Variants in MARK4 observed in about 807,000 individuals in gnomAD.
MARK4 encodes the protein MAP/microtubule affinity-regulating kinase 4.
MARK4 carries 19 observed loss-of-function variants against 81.5 expected under a neutral mutation model. The observed-to-expected ratio is 0.23, with a 90% CI of 0.16 to 0.34. The LOEUF (loss-of-function observed/expected upper bound fraction) is 0.34. Among genes scored for constraint, MARK4 ranks in the 10% least tolerant of loss-of-function variants. The probability of loss-of-function intolerance (pLI) is 1.00; values close to 1 mark genes in which losing one functional copy is unlikely to be tolerated. For missense variants in MARK4, 772 were observed against 1,058.8 expected, an observed-to-expected ratio of 0.73 and a Z score of 3.76; for synonymous variants, 436 against 439.0, an observed-to-expected ratio of 0.99 and a Z score of 0.08.
At chr19:45,265,272 T>C (rs938773506) in intron 6 of MARK4, among the ~76,000 whole-genome samples, 8 of 150,826 alleles carry the variant, frequency 5.3e-5, no homozygotes, top group African/African-American at 2.0e-4. Flanking sequence ...ATTCAAAAGA[T>C]GTGTGGGCAG....
rs371533048 is a variant in MARK4, at chr19:45,263,755, AAAG to A, written c.355+391_355+393del. Among the ~76,000 whole-genome samples the A allele has an allele frequency of 5.7e-4, 87 of 151,774 alleles. 1 individual carries two copies. In the East Asian group the frequency reaches 0.012, roughly 21 times the overall value. ...AGACTTCATCTCAAAAAAAAAAAAA[AAAG>A]AAAAAGTTAGAGACCTGGTTTCTCA... On this transcript the variant is annotated intron_variant, in intron 4 of 16. Transcript: ENST00000262891.
chr19:45,298,387 GGGTTCAAATGGC>G (rs1329637005), intron 15 of MARK4, among the ~76,000 whole-genome samples: 1 of 152,104 alleles, frequency 6.6e-6, no homozygotes, highest in Non-Finnish European at 1.5e-5. Flanking sequence ...CCAGACTCGG[GGGTTCAAATGGC>G]AGCTCTGCCA....
Position 45,302,759 on chromosome 19 carries a change from A to G in MARK4, c.*49A>G. ...ACTCTTCCTCTCCCTTGTCGCCTTCACTTCTACAGGAGGGGAAGGGGCCAG... is the reference window on the plus strand; with the variant it reads ...ACTCTTCCTCTCCCTTGTCGCCTTCGCTTCTACAGGAGGGGAAGGGGCCAG... On this transcript the variant is annotated 3_prime_UTR_variant, in exon 17 of 17. Transcript: ENST00000262891. The surrounding 1 kb of genome is among the most constrained non-coding windows in gnomAD (Gnocchi z 4.9). The G allele has an allele frequency of 1.3e-6, 2 of 1,532,306 alleles. No individual in the cohort carries two copies. The highest frequency in any genetic ancestry group is 2.4e-5 in the South Asian group (2 of 83,588). The allele number at this position is 1,532,306 out of a possible 1,614,324, so 94.9% of individuals were successfully genotyped here. A position where few individuals can be genotyped will look rare whatever the true frequency, so the allele number is the denominator to read the frequency against.
chr19:45,257,144 A>G (rs1182074228), intron 1 of MARK4, among the ~76,000 whole-genome samples: 1 of 151,148 alleles, frequency 6.6e-6, no homozygotes, highest in African/African-American at 2.4e-5. Flanking sequence ...AAGTTTTTCT[A>G]GAGATGGGTG....
chr19:45,253,764 T>A (rs1195369086), intron 1 of MARK4, among the ~76,000 whole-genome samples: 1 of 152,140 alleles, frequency 6.6e-6, no homozygotes, highest in Non-Finnish European at 1.5e-5. Context: ...CTGGCATGTG[T>A]CGTGGCTGTT....
In MARK4 at chr19:45,297,782, T is replaced by A; in HGVS notation, c.1705T>A (p.Phe569Ile). 6.3e-7 allele frequency: 1 copy of A among 1,578,758 alleles called. No individual in the cohort carries two copies. Among genetic ancestry groups the A allele is most frequent in the East Asian group, 2.3e-5 (1 of 44,064 alleles). The part of the protein sequence containing the change: ...LARGSTIRST[F>I]HGGQVRDRRA... ...ACGTGGTTCCACCATCCGCAGCACC[T>A]TCCATGGTGGCCAGGTCCGGGACCG... is the stretch of plus-strand genomic sequence containing the variant. Residue 569 changes from phenylalanine (F) to isoleucine (I), a missense_variant, in exon 15 of 17, where the codon TTC becomes ATC. Phe to Ile is a conservative substitution (Grantham distance 21). Around this residue, in one of 3 missense-constraint regions of MARK4, gnomAD observed 548 missense variants for 624.3 expected, o/e 0.88. Coordinates refer to ENST00000262891, the MANE Select transcript of MARK4 (RefSeq NM_001199867.2).
intron 1 of MARK4, among the ~76,000 whole-genome samples, chr19:45,255,149 G>A (rs983442053): frequency 2.0e-5 from 3 of 151,712 alleles, no homozygotes; most frequent in Non-Finnish European, 4.4e-5. Context: ...GCTCCAGTGA[G>A]CCTTGATTAC....
At position 45,287,638 on chromosome 19, in the gene MARK4, C is replaced by T. The variant is rs748925785; in HGVS notation, c.1468C>T (p.Arg490Trp). The change falls in exon 13 of 17, where the codon CGG becomes TGG. Residue 490 changes from arginine (R) to tryptophan (W), a missense_variant. Physicochemically the swap from Arg to Trp is moderately radical, Grantham distance 101. Around this residue, in one of 3 missense-constraint regions of MARK4, gnomAD observed 548 missense variants for 624.3 expected, o/e 0.88. Coordinates refer to ENST00000262891, the MANE Select transcript of MARK4 (RefSeq NM_001199867.2). ...CCCCAACAAGGCAGAGATCCCAGAG[C>T]GGCGGAAGGACAGCACGAGCACCCC... ...HNPNKAEIPE[R>W]RKDSTSTPNN... 12 of 1,596,526 alleles carry T rather than the reference C, an allele frequency of 7.5e-6. No individual in the cohort carries two copies. The highest frequency in any genetic ancestry group is 4.5e-5 in the South Asian group (4 of 89,642).
intron 10 of MARK4, chr19:45,279,997 GA>G: frequency 5.0e-6 from 1 of 200,036 alleles, no homozygotes; most frequent in Non-Finnish European, 1.0e-5. Flanking sequence ...GTGCTGTTGG[GA>G]AGGGAGGATG....
Position 45,302,164 on chromosome 19 carries a change from G to A in MARK4, c.1923-210G>A, listed in dbSNP as rs935086730. Among the ~76,000 whole-genome samples the A allele has an allele frequency of 2.0e-5, 3 of 152,236 alleles. No individual in the cohort carries two copies. Among genetic ancestry groups the A allele is most frequent in the Admixed American group, 1.3e-4 (2 of 15,276 alleles). On this transcript the variant is annotated intron_variant, in intron 16 of 16. Transcript: ENST00000262891. The surrounding 1 kb of genome is among the most constrained non-coding windows in gnomAD (Gnocchi z 4.9). ...TCATGTCCCAGAATTTACAGACAAG[G>A]TCACACCTGGTTGCAAGGGAGGCTG...
chr19:45,300,796 T>A (rs1391844965), intron 16 of MARK4, among the ~76,000 whole-genome samples: 1 of 152,112 alleles, frequency 6.6e-6, no homozygotes, highest in Non-Finnish European at 1.5e-5. Context: ...CCTAAACCAA[T>A]GCCTGCAGCC....
rs772467554 is a variant in MARK4 at position 45,297,659 on chromosome 19, T to C, written c.1599-17T>C. ...TGCCTCAGTCCCCCACCCTGACTTG[T>C]CTGTCTCTGCCCACAGCTCAGGCAC... On this transcript the variant is annotated splice_polypyrimidine_tract_variant and intron_variant, in intron 14 of 16. Coordinates refer to ENST00000262891, the MANE Select transcript of MARK4 (RefSeq NM_001199867.2). 4.0e-6 allele frequency: 6 copies of C among 1,504,256 alleles called. No individual in the cohort carries two copies. Among genetic ancestry groups the C allele is most frequent in the Non-Finnish European group, 5.3e-6 (6 of 1,129,942 alleles). The allele number at this position is 1,504,256 out of a possible 1,614,324, so 93.2% of individuals were successfully genotyped here. A position where few individuals can be genotyped will look rare whatever the true frequency, so the allele number is the denominator to read the frequency against.
chr19:45,280,366 C>G lies in MARK4; in HGVS notation c.1007-8C>G, dbSNP rs200707452. 1.9e-4 allele frequency: 313 copies of G among 1,612,014 alleles called. 2 individuals are homozygous for G. The African/African-American group carries it at 2.8e-3, about 14-fold the overall frequency. Reference sequence around the variant, plus strand: ...AGTCTGAAACTTCTCTCCATCCCCCCCTCCCAGAGGTGATGGTGGGTATGG... The same window carrying G: ...AGTCTGAAACTTCTCTCCATCCCCCGCTCCCAGAGGTGATGGTGGGTATGG... On this transcript the variant is annotated splice_polypyrimidine_tract_variant and splice_region_variant and intron_variant, in intron 10 of 16. Coordinates refer to ENST00000262891, the MANE Select transcript of MARK4 (RefSeq NM_001199867.2).
chr19:45,282,196 C>G (rs1412821163), intron 12 of MARK4, among the ~76,000 whole-genome samples: 1 of 150,434 alleles, frequency 6.6e-6, no homozygotes, highest in Admixed American at 6.7e-5. Context: ...GCACACCAGC[C>G]TGGGCAACAG....
At chr19:45,297,047 T>TAAA (rs1970896281) in intron 14 of MARK4, among the ~76,000 whole-genome samples, 2 of 74,982 alleles carry the variant, frequency 2.7e-5, no homozygotes, top group Non-Finnish European at 5.1e-5. Flanking sequence ...AGACTCTGTC[T>TAAA]CAAAAAAAAA....
rs1263131437 is a variant in MARK4, at chr19:45,302,505, G to A, written c.2054G>A (p.Arg685His). ...AALRQATAAA[R>H]CRCRQPQPFL... Reference sequence around the variant, plus strand: ...CTGCGCCAGGCCACAGCAGCCGCCCGCTGCCGCTGCCGCCAGCCACAGCCG... The same window carrying A: ...CTGCGCCAGGCCACAGCAGCCGCCCACTGCCGCTGCCGCCAGCCACAGCCG... The change falls in exon 17 of 17, where the codon CGC becomes CAC. Residue 685 changes from arginine to histidine, a missense_variant. Around this residue, in one of 3 missense-constraint regions of MARK4, gnomAD observed 548 missense variants for 624.3 expected, o/e 0.88. Coordinates refer to ENST00000262891, the MANE Select transcript of MARK4 (RefSeq NM_001199867.2). This position sits in a 1 kb window ranked among gnomAD's most constrained non-coding sequence, Gnocchi z 4.9. The A allele has an allele frequency of 1.2e-6, 2 of 1,601,814 alleles. No homozygotes were observed.
At chr19:45,301,004 C>T (rs1423171837) in intron 16 of MARK4, among the ~76,000 whole-genome samples, 2 of 152,076 alleles carry the variant, frequency 1.3e-5, no homozygotes, top group Non-Finnish European at 2.9e-5. Context: ...TCAGGCGGGA[C>T]GTTTCTTTGT....
chr19:45,285,075 C>T (rs1970724506), intron 12 of MARK4, among the ~76,000 whole-genome samples: 1 of 150,792 alleles, frequency 6.6e-6, no homozygotes, highest in Non-Finnish European at 1.5e-5. Flanking sequence ...TGGGCGGCAA[C>T]AGCAAGACTC....
At chr19:45,299,064 T>C in intron 15 of MARK4, among the ~76,000 whole-genome samples, 1 of 85,002 alleles carries the variant, frequency 1.2e-5, no homozygotes, top group South Asian at 4.5e-4. Context: ...AACCTGTCTC[T>C]AAAAAAAAAA....
Sources: gnomAD v4.1 joint callset for allele counts (sites outside exome capture counted in the v4.1 genomes callset) on GRCh38, gnomAD v4.1.1 for gene constraint, gnomAD v4.1.1 regional missense constraint, Gnocchi (gnomAD v3.1) non-coding constraint, MANE v1.5 for transcripts, NCBI Gene and HGNC (gene_info 2026-07-23, HGNC 2026-07-21) for gene names.